Variants in C10orf90 observed in about 807,000 individuals in gnomAD.
The protein encoded by C10orf90 is chromosome 10 open reading frame 90.
In C10orf90, 56 loss-of-function variants were observed where a neutral mutation model predicts 62.5. The observed-to-expected ratio is 0.90, with a 90% CI of 0.72 to 1.12. The LOEUF is 1.12. C10orf90 is among the 50% of genes most tolerant of loss of function. The pLI is 0.00. For synonymous variants in C10orf90, 386 were observed against 340.4 expected, an observed-to-expected ratio of 1.13 and a Z score of -1.47; for missense variants, 970 against 880.4, an observed-to-expected ratio of 1.10 and a Z score of -1.29.
chr10:126,461,686 C>T (rs985992883), intron 5 of C10orf90, 101 bp from the exon 6 acceptor site: 28 of 1,174,058 alleles, frequency 2.4e-5, no homozygotes, highest in Non-Finnish European at 3.2e-5. Context: ...AAAATAGAAA[C>T]GCCAGTGGAC....
chr10:126,462,489 C>A (rs1172183031), intron 5 of C10orf90, among the ~76,000 whole-genome samples: 1 of 152,194 alleles, frequency 6.6e-6, no homozygotes, highest in Non-Finnish European at 1.5e-5. Flanking sequence ...AAGGCACGAC[C>A]CATCCCTGCC....
intron 2 of C10orf90, among the ~76,000 whole-genome samples, chr10:126,635,367 G>A (rs962522822): frequency 6.6e-6 from 1 of 152,264 alleles, no homozygotes; most frequent in South Asian, 2.1e-4. Context: ...GGGGTGCGGG[G>A]AGAAGAGGGG....
At chr10:126,642,270 C>A (rs1040544624) in intron 2 of C10orf90, among the ~76,000 whole-genome samples, 1 of 152,132 alleles carries the variant, frequency 6.6e-6, no homozygotes, top group Non-Finnish European at 1.5e-5. Flanking sequence ...CGGTGGCTCA[C>A]GCTTGTAATC....
intron 4 of C10orf90, among the ~76,000 whole-genome samples, chr10:126,480,733 T>C (rs1321799672): frequency 6.6e-6 from 1 of 152,232 alleles, no homozygotes; most frequent in Non-Finnish European, 1.5e-5. Flanking sequence ...ATGTTCTGCA[T>C]GGAATCCATA....
intron 2 of C10orf90, among the ~76,000 whole-genome samples, chr10:126,613,315 G>A (rs1175483297): frequency 6.6e-6 from 1 of 152,084 alleles, no homozygotes; most frequent in South Asian, 2.1e-4. Context: ...GCCCACCGGA[G>A]GCTTGACCTC....
chr10:126,657,877 A>C (rs891083292), intron 1 of C10orf90, among the ~76,000 whole-genome samples: 1 of 152,032 alleles, frequency 6.6e-6, no homozygotes, highest in Admixed American at 6.5e-5. Flanking sequence ...CGGCCTCCCA[A>C]TGTGCTAGGA....
At chr10:126,646,233 A>G (rs1846167871) in intron 2 of C10orf90, among the ~76,000 whole-genome samples, 1 of 152,228 alleles carries the variant, frequency 6.6e-6, no homozygotes, top group Non-Finnish European at 1.5e-5. Flanking sequence ...TGTTCTGAGA[A>G]TATTCATATT....
chr10:126,653,334 A>C (rs1846328294), intron 1 of C10orf90, among the ~76,000 whole-genome samples: 1 of 152,250 alleles, frequency 6.6e-6, no homozygotes, highest in African/African-American at 2.4e-5. Context: ...CAATCCCCTC[A>C]AACCTCACCA....
intron 4 of C10orf90, among the ~76,000 whole-genome samples, chr10:126,497,916 G>C (rs1862158716): frequency 6.6e-6 from 1 of 152,178 alleles, no homozygotes; most frequent in Non-Finnish European, 1.5e-5. Flanking sequence ...TACATACCAG[G>C]GGCTGAGTTC....
chr10:126,570,857 T>G (rs1448669159), intron 2 of C10orf90, among the ~76,000 whole-genome samples: 1 of 152,054 alleles, frequency 6.6e-6, no homozygotes, highest in African/African-American at 2.4e-5. Flanking sequence ...AATAATATGA[T>G]CTCATTTAAA....
intron 2 of C10orf90, among the ~76,000 whole-genome samples, chr10:126,634,214 G>T (rs1845905247): frequency 6.6e-6 from 1 of 152,296 alleles, no homozygotes; most frequent in African/African-American, 2.4e-5. Context: ...CAGTATCCAA[G>T]AATCAACCTG....
chr10:126,539,745 A>G (rs1210329210), intron 2 of C10orf90, among the ~76,000 whole-genome samples: 3 of 152,236 alleles, frequency 2.0e-5, no homozygotes, highest in East Asian at 1.9e-4. Context: ...GCAAATAGTT[A>G]TTAAATACGT....
chr10:126,443,316 A>AGAAAT (rs1858520100), intron 7 of C10orf90, among the ~76,000 whole-genome samples: 1 of 152,192 alleles, frequency 6.6e-6, no homozygotes, highest in Non-Finnish European at 1.5e-5. Flanking sequence ...AACCTCAATA[A>AGAAAT]GAAATGAAAT....
Position 126,494,005 on chromosome 10 carries a change from C to T in C10orf90, c.1534+9952G>A, listed in dbSNP as rs979233120. Among the ~76,000 whole-genome samples, 17 of 152,336 alleles carry T rather than the reference C, an allele frequency of 1.1e-4. No homozygotes were observed. The East Asian group carries it at 2.3e-3, about 21-fold the overall frequency. The stretch of plus-strand genomic sequence containing the variant: ...AGCTTTTTTGGCTCTAATTTCGGAA[C>T]TGCAGTGGTCCACGTGCTCTTACAT... On this transcript the variant is annotated intron_variant, in intron 4 of 9. Transcript: ENST00000488181.
intron 1 of C10orf90, among the ~76,000 whole-genome samples, chr10:126,658,686 C>G (rs1846445078): frequency 1.3e-5 from 2 of 152,166 alleles, no homozygotes; most frequent in Admixed American, 1.3e-4. Flanking sequence ...AGTCAAGAGA[C>G]AGGCTACAGA....
At chr10:126,462,904 G>A (rs891564698) in intron 5 of C10orf90, among the ~76,000 whole-genome samples, 1 of 152,104 alleles carries the variant, frequency 6.6e-6, no homozygotes, top group Non-Finnish European at 1.5e-5. Context: ...TGCAGCTGTC[G>A]CTTTGGAGTC....
At chr10:126,652,568 A>T (rs1362465550) in intron 1 of C10orf90, among the ~76,000 whole-genome samples, 3 of 152,154 alleles carry the variant, frequency 2.0e-5, no homozygotes, top group Non-Finnish European at 4.4e-5. Flanking sequence ...TGGCTGTCTA[A>T]TGAGATGTGG....
At chr10:126,659,198 C>T (rs1021785931) in intron 1 of C10orf90, among the ~76,000 whole-genome samples, 1 of 152,220 alleles carries the variant, frequency 6.6e-6, no homozygotes, top group Non-Finnish European at 1.5e-5. Flanking sequence ...CACCACCAAA[C>T]AGGCTGCCTT....
At chr10:126,482,220 A>T (rs1000026826) in intron 4 of C10orf90, among the ~76,000 whole-genome samples, 10 of 152,178 alleles carry the variant, frequency 6.6e-5, no homozygotes, top group African/African-American at 2.4e-4. Flanking sequence ...TTCTTTTGTT[A>T]TAGGGGTATC....
Sources: gnomAD v4.1 joint callset for allele counts (sites outside exome capture counted in the v4.1 genomes callset) on GRCh38, gnomAD v4.1.1 for gene constraint, MANE v1.5 for transcripts, NCBI Gene and HGNC (gene_info 2026-07-23, HGNC 2026-07-21) for gene names.